The following SLC4A9 variants were observed in gnomAD, a reference collection of about 807,000 sequenced individuals.
SLC4A9 encodes the protein solute carrier family 4 member 9.
SLC4A9 carries 102 observed loss-of-function variants against 103.2 expected under a neutral mutation model. The observed-to-expected ratio is 0.99, with a 90% CI of 0.84 to 1.17. The LOEUF (loss-of-function observed/expected upper bound fraction) is 1.17. Ranked by LOEUF, SLC4A9 falls within the 50% of genes most tolerant of loss-of-function variation. SLC4A9 has a pLI of 0.00. For synonymous variants in SLC4A9, 453 were observed against 483.6 expected (o/e 0.94, Z 0.83); for missense variants, 1,091 against 1,193.7 (o/e 0.91, Z 1.27).
At chr5:140,371,328 A>C in intron 18 of SLC4A9, 123 bp from the exon 19 acceptor site, 1 of 1,415,476 alleles carries the variant, frequency 7.1e-7, no homozygotes, top group Non-Finnish European at 9.9e-7. Context: ...TCTCTCCTGG[A>C]CTCAGGGACT....
rs756295864 is a variant in SLC4A9, at chr5:140,364,448, G to A, written c.1474G>A (p.Ala492Thr). 1 of 1,613,554 alleles carries A rather than the reference G, an allele frequency of 6.2e-7. No individual in the cohort carries two copies. Among genetic ancestry groups the A allele is most frequent in the Non-Finnish European group, 8.5e-7 (1 of 1,179,694 alleles). The change falls in exon 11 of 22, where the codon GCC (alanine) becomes ACC (threonine). Residue 492 changes from alanine (A) to threonine (T), a missense_variant. Ala to Thr is a moderately conservative substitution (Grantham distance 58, BLOSUM62 0). Coordinates refer to ENST00000506757, the MANE Select transcript of SLC4A9 (RefSeq NM_031467.3). ...TFCLVLVATE[A>T]SVLVRYFTRF... ...TTGCCTGGTGCTGGTGGCCACAGAG[G>A]CCAGTGTGCTGGTGCGCTACTTCAC... is the stretch of plus-strand genomic sequence containing the variant.
rs1227086522 is a variant in SLC4A9, at chr5:140,365,858, T to C, written c.1735T>C (p.Leu579=). The change falls in exon 13 of 22, where the codon TTG becomes CTG. Residue 579 remains leucine, a synonymous_variant. Transcript: ENST00000506757. The part of the protein sequence containing the change: ...SMDLGLINAS[L]LPPPECTRQG... ...GGACTTAGGCCTGATCAATGCATCC[T>C]TGCTGCCGCCACCTGAGTGCACCCG... 6.2e-7 allele frequency: 1 copy of C among 1,613,894 alleles called. No individual in the cohort carries two copies. Among genetic ancestry groups the C allele is most frequent in the Non-Finnish European group, 8.5e-7 (1 of 1,179,850 alleles).
chr5:140,366,775 C>T (rs929265320), intron 14 of SLC4A9, among the ~76,000 whole-genome samples: 3 of 152,158 alleles, frequency 2.0e-5, no homozygotes, highest in African/African-American at 7.2e-5. Flanking sequence ...TGGCCCTGCC[C>T]ACTCCACTAC....
intron 20 of SLC4A9, 128 bp downstream of exon 20, chr5:140,372,525 C>T: frequency 6.7e-7 from 1 of 1,494,976 alleles, no homozygotes; most frequent in Non-Finnish European, 8.9e-7. Flanking sequence ...CTTCCCTTAT[C>T]TGTGTATGGA....
chr5:140,372,804 G>T lies in SLC4A9; in HGVS notation c.*6G>T. The stretch of plus-strand genomic sequence containing the variant: ...TCAACATTTCTGTGAATTAGCTGGA[G>T]TAGGAGTCTGGGAGTGGAGACCCCA... On this transcript the variant is annotated 3_prime_UTR_variant, in exon 21 of 22. Transcript: ENST00000506757. 6.4e-7 allele frequency: 1 copy of T among 1,563,062 alleles called. No homozygotes were observed. The highest frequency in any genetic ancestry group is 8.7e-7 in the Non-Finnish European group (1 of 1,152,782).
rs773791811 is a variant in SLC4A9 at position 140,371,597 on chromosome 5, C to T, written c.2643C>T (p.Thr881=). The change falls in exon 19 of 22, where the codon ACC becomes ACT. Residue 881 remains threonine (T), a synonymous_variant. Transcript: ENST00000506757. Reference sequence around the variant, plus strand: ...GGCTGCTTTGGATAATCAAGTCTACCCCTGCAGCCATCATCTTCCCCCTCA... The same window carrying T: ...GGCTGCTTTGGATAATCAAGTCTACTCCTGCAGCCATCATCTTCCCCCTCA... ...CLGLLWIIKS[T]PAAIIFPLML... 10 of 1,613,912 alleles carry T rather than the reference C, an allele frequency of 6.2e-6. 1 individual carries two copies. In the South Asian group the frequency reaches 9.9e-5, roughly 16 times the overall value.
At position 140,373,873 on chromosome 5, in the gene SLC4A9, T is replaced by C. The variant is rs140690290; in HGVS notation, c.*46-954T>C. ...GAAGGCCACAGCATGTACAAAAGCC[T>C]ACAACTGGTTGCCTTTAAAAAGCTG... On this transcript the variant is annotated intron_variant, in intron 21 of 21. Coordinates refer to ENST00000506757, the MANE Select transcript of SLC4A9 (RefSeq NM_031467.3). 9.4e-4 allele frequency among the ~76,000 whole-genome samples: 143 copies of C among 152,300 alleles called. 1 individual carries two copies. Among genetic ancestry groups the C allele is most frequent in the Non-Finnish European group, 7.9e-4 (54 of 68,026 alleles).
Position 140,363,796 on chromosome 5 carries a change from C to A in SLC4A9, c.1148C>A (p.Ala383Asp). ...VPWYPSDFLD[A>D]LHLQCFSAVL... ...TGGTACCCCAGCGATTTCTTGGACG[C>A]CCTGCATCTCCAGTGCTTCTCGGCC... The change falls in exon 9 of 22, where the codon GCC becomes GAC. Residue 383 changes from alanine (A) to aspartate (D), a missense_variant. Physicochemically the swap from Ala to Asp is moderately radical, Grantham distance 126. Coordinates refer to ENST00000506757, the MANE Select transcript of SLC4A9 (RefSeq NM_031467.3). The surrounding 1 kb of genome is among the most constrained non-coding windows in gnomAD (Gnocchi z 4.5). 6.2e-7 allele frequency: 1 copy of A among 1,613,980 alleles called. No homozygotes were observed. The highest frequency in any genetic ancestry group is 1.3e-5 in the African/African-American group (1 of 75,046).
chr5:140,368,181 A>C (rs929610728), intron 16 of SLC4A9, among the ~76,000 whole-genome samples: 4 of 152,208 alleles, frequency 2.6e-5, no homozygotes, highest in African/African-American at 9.7e-5. Flanking sequence ...AATAATCCTC[A>C]CTCAATGTAG....
Position 140,363,680 on chromosome 5 carries a change from G to A in SLC4A9, c.1080-48G>A. 1.2e-6 allele frequency: 2 copies of A among 1,604,698 alleles called. No homozygotes were observed. The highest frequency in any genetic ancestry group is 1.7e-5 in the Admixed American group (1 of 59,414). ...GTCACAGGGAAAGTAGCGGGGATGC[G>A]GGTGTGGAGTGTGAAAACCTGGATC... On this transcript the variant is annotated intron_variant, in intron 8 of 21. Transcript: ENST00000506757. The surrounding 1 kb of genome is among the most constrained non-coding windows in gnomAD (Gnocchi z 4.5).
chr5:140,363,576 A>G lies in SLC4A9; in HGVS notation c.1079+21A>G. On this transcript the variant is annotated intron_variant, in intron 8 of 21. Coordinates refer to ENST00000506757, the MANE Select transcript of SLC4A9 (RefSeq NM_031467.3). The surrounding 1 kb of genome is among the most constrained non-coding windows in gnomAD (Gnocchi z 4.5). ...GGCAGGTGAGGCGAGCTGGGAGGAA[A>G]CAAGGGTAGGTGACCTGGGGGAGGG... The G allele has an allele frequency of 6.4e-7, 1 of 1,552,582 alleles. No individual in the cohort carries two copies. Among genetic ancestry groups the G allele is most frequent in the South Asian group, 1.2e-5 (1 of 84,278 alleles).
At position 140,371,088 on chromosome 5, in the gene SLC4A9, C is replaced by A. The variant is rs748102428; in HGVS notation, c.2428-7C>A. On this transcript the variant is annotated splice_region_variant and splice_polypyrimidine_tract_variant and intron_variant, in intron 17 of 21. Transcript: ENST00000506757. ...AACTTTGATAACTCTCTGCTTCTTTCTACCAGTTCATTCCAATGCCTGTGC... is the reference window on the plus strand; with the variant it reads ...AACTTTGATAACTCTCTGCTTCTTTATACCAGTTCATTCCAATGCCTGTGC... 6.2e-7 allele frequency: 1 copy of A among 1,608,788 alleles called. No individual in the cohort carries two copies. Among genetic ancestry groups the A allele is most frequent in the Admixed American group, 1.7e-5 (1 of 59,292 alleles).
Position 140,365,912 on chromosome 5 carries a change from T to C in SLC4A9, c.1789T>C (p.Cys597Arg). 1 of 1,614,046 alleles carries C rather than the reference T, an allele frequency of 6.2e-7. No individual in the cohort carries two copies. Among genetic ancestry groups the C allele is most frequent in the South Asian group, 1.1e-5 (1 of 91,084 alleles). Residue 597 changes from cysteine to arginine, a missense_variant, in exon 13 of 22, where the codon TGT (cysteine) becomes CGT (arginine). Transcript: ENST00000506757. Reference protein sequence around the residue: ...RQGGHPRGPGCHTVPDIAFFS... With the variant: ...RQGGHPRGPGRHTVPDIAFFS... ...GGGAGGCCACCCTCGTGGCCCTGGC[T>C]GTCATACAGTCCCAGACATTGCCTT... is the stretch of plus-strand genomic sequence containing the variant.
chr5:140,361,489 G>C, intron 3 of SLC4A9, 122 bp downstream of exon 3: 1 of 770,564 alleles, frequency 1.3e-6, no homozygotes, highest in South Asian at 1.8e-5. Context: ...CAGGACTCAT[G>C]AGCAAGAGGA....
At chr5:140,373,754 A>T (rs1461307922) in intron 21 of SLC4A9, among the ~76,000 whole-genome samples, 1 of 152,128 alleles carries the variant, frequency 6.6e-6, no homozygotes, top group Non-Finnish European at 1.5e-5. Context: ...TAGCCAGTGC[A>T]CTCCAGCCTG....
intron 3 of SLC4A9, 23 bp from the exon 4 acceptor site, chr5:140,361,785 C>A (rs717097): frequency 0.45 from 733,286 of 1,612,880 alleles, 169,490 homozygotes; most frequent in East Asian, 0.54. Flanking sequence ...TGGTCTTAAT[C>A]ACTGCATAAT....
At chr5:140,362,566 A>G (rs1339901767) in intron 6 of SLC4A9, 34 bp downstream of exon 6, 15 of 1,574,254 alleles carry the variant, frequency 9.5e-6, no homozygotes, top group Non-Finnish European at 1.2e-5. Flanking sequence ...GTGCGCGCGC[A>G]CGCGTGCATG....
rs184704587 is a variant in SLC4A9, at chr5:140,363,037, G to A, written c.933G>A (p.Pro311=). ...GGGACCCAACAGCCCGGATTCCCCCGCCCAAATGTCTGCCATCTCAGCACA... is the reference window on the plus strand; with the variant it reads ...GGGACCCAACAGCCCGGATTCCCCCACCCAAATGTCTGCCATCTCAGCACA... ...GRWDPTARIP[P]PKCLPSQHKR... Residue 311 remains proline (P), a synonymous_variant, in exon 7 of 22, where the codon CCG becomes CCA. Coordinates refer to ENST00000506757, the MANE Select transcript of SLC4A9 (RefSeq NM_031467.3). This position sits in a 1 kb window ranked among gnomAD's most constrained non-coding sequence, Gnocchi z 4.5. 1.5e-4 allele frequency: 246 copies of A among 1,613,028 alleles called. No individual in the cohort carries two copies. In the African/African-American group the frequency reaches 2.5e-3, roughly 16 times the overall value.
In SLC4A9 at chr5:140,360,851, C is replaced by A; in HGVS notation, c.270C>A (p.Gly90=). ...AGGAGAAGTTGGAGGTGGCTGCAGG[C>A]CGGTGGAGTGCCCCCCACGTGCCCA... The part of the protein sequence containing the change: ...LFEEKLEVAA[G]RWSAPHVPTL... Residue 90 remains glycine (G), a synonymous_variant, in exon 2 of 22, where the codon GGC becomes GGA. Transcript: ENST00000506757. The A allele has an allele frequency of 6.2e-7, 1 of 1,613,172 alleles. No individual in the cohort carries two copies. The highest frequency in any genetic ancestry group is 8.5e-7 in the Non-Finnish European group (1 of 1,179,790).
Sources: gnomAD v4.1 joint callset for allele counts (sites outside exome capture counted in the v4.1 genomes callset) on GRCh38, gnomAD v4.1.1 for gene constraint, Gnocchi (gnomAD v3.1) non-coding constraint, MANE v1.5 for transcripts, NCBI Gene and HGNC (gene_info 2026-07-23, HGNC 2026-07-21) for gene names.